The following ITGA11 variants were observed in gnomAD, a reference collection of about 807,000 sequenced individuals.
The protein encoded by ITGA11 is integrin alpha-11.
ITGA11 carries 97 observed loss-of-function variants against 141.9 expected under a neutral mutation model. The ratio of observed to expected loss-of-function variants is 0.68; its 90% CI spans 0.58 to 0.81. The LOEUF is 0.81. ITGA11 is among the 30% of genes least tolerant of loss of function. The pLI, the probability that ITGA11 is intolerant of heterozygous loss-of-function variation, is 0.00. For missense variants in ITGA11, 1,387 were observed against 1,559.2 expected, an observed-to-expected ratio of 0.89 and a Z score of 1.86; for synonymous variants, 658 against 624.6, an observed-to-expected ratio of 1.05 and a Z score of -0.80.
intron 2 of ITGA11, among the ~76,000 whole-genome samples, chr15:68,396,997 T>C (rs867564742): frequency 6.0e-5 from 1 of 16,804 alleles, no homozygotes; most frequent in Non-Finnish European, 8.5e-5. Context: ...TATTATATAA[T>C]ATATAATATA....
At chr15:68,371,142 G>T (rs939460754) in intron 2 of ITGA11, among the ~76,000 whole-genome samples, 2 of 152,210 alleles carry the variant, frequency 1.3e-5, no homozygotes, top group Non-Finnish European at 2.9e-5. Context: ...TCTAGACGAG[G>T]TGATTTTTGG....
rs535953226 is a variant in ITGA11 at position 68,308,027 on chromosome 15, C to T, written c.3175-331G>A. ...ACATTAAGATAAAAAATTCTATGAT[C>T]GCTGCAACAGATGCAGAAAAAGTAT... On this transcript the variant is annotated intron_variant, in intron 26 of 29. Transcript: ENST00000315757. This position sits in a 1 kb window ranked among gnomAD's most constrained non-coding sequence, Gnocchi z 5.2. Among the ~76,000 whole-genome samples the T allele has an allele frequency of 7.2e-5, 11 of 152,310 alleles. No homozygotes were observed. In the South Asian group the frequency reaches 2.1e-3, roughly 29 times the overall value.
At chr15:68,409,031 T>G (rs1017942105) in intron 1 of ITGA11, among the ~76,000 whole-genome samples, 1 of 152,224 alleles carries the variant, frequency 6.6e-6, no homozygotes, top group East Asian at 1.9e-4. Context: ...CACTGCCTGG[T>G]GCAGGAAAGG....
At chr15:68,351,199 G>C in intron 8 of ITGA11, 59 bp downstream of exon 8, 3 of 1,590,444 alleles carry the variant, frequency 1.9e-6, no homozygotes, top group Non-Finnish European at 2.6e-6. Flanking sequence ...AGTCCCCAGG[G>C]ATTTGATGGT....
chr15:68,407,654 A>C (rs1169935946), intron 1 of ITGA11, among the ~76,000 whole-genome samples: 1 of 152,172 alleles, frequency 6.6e-6, no homozygotes, highest in African/African-American at 2.4e-5. Context: ...GGGGAAAAAA[A>C]CCACAATTCC....
In ITGA11 at chr15:68,321,308, T is replaced by C. The variant is rs1893799189; in HGVS notation, c.2408+110A>G. The C allele has an allele frequency of 8.3e-6, 5 of 602,450 alleles. No individual in the cohort carries two copies. The allele number at this position is 602,450 out of a possible 1,614,324, so 37.3% of individuals were successfully genotyped here. A position where few individuals can be genotyped will look rare whatever the true frequency, so the allele number is the denominator to read the frequency against. On this transcript the variant is annotated intron_variant, in intron 19 of 29. Transcript: ENST00000315757. The surrounding 1 kb of genome is among the most constrained non-coding windows in gnomAD (Gnocchi z 4.9). ...GGCTCCAAGTGCAATGTTTGATCCATGCTGCCTGTGAGGAGGATGTCCAGG... is the reference window on the plus strand; with the variant it reads ...GGCTCCAAGTGCAATGTTTGATCCACGCTGCCTGTGAGGAGGATGTCCAGG...
At chr15:68,426,485 C>A (rs758557621) in intron 1 of ITGA11, among the ~76,000 whole-genome samples, 2 of 151,988 alleles carry the variant, frequency 1.3e-5, no homozygotes, top group South Asian at 4.2e-4. Flanking sequence ...GAGGGAGAGA[C>A]GTTCTCACAT....
intron 4 of ITGA11, among the ~76,000 whole-genome samples, chr15:68,363,125 G>T (rs764746306): frequency 6.6e-6 from 1 of 152,164 alleles, no homozygotes; most frequent in African/African-American, 2.4e-5. Context: ...ATGGTGGATC[G>T]ATGTATAGAC....
At chr15:68,365,956 C>T (rs1053784861) in intron 3 of ITGA11, among the ~76,000 whole-genome samples, 2 of 152,122 alleles carry the variant, frequency 1.3e-5, no homozygotes, top group African/African-American at 4.8e-5. Flanking sequence ...TCAGGAAGGC[C>T]AGCTGGTGCA....
intron 7 of ITGA11, among the ~76,000 whole-genome samples, chr15:68,353,979 C>T (rs1289460411): frequency 6.6e-6 from 1 of 152,062 alleles, no homozygotes; most frequent in Non-Finnish European, 1.5e-5. Flanking sequence ...TGAGCTGTTC[C>T]CTCCCAGCCA....
In ITGA11 at chr15:68,315,651, C is replaced by A; in HGVS notation, c.2792G>T (p.Ser931Ile). ...HHLEIELAAG[S>I]DSNERDSTKE... ...GAGAAGGAGCAGGCACGGCCCTGACCTGCCTGCAGCGAGCTCGATCTCCAG... is the reference window on the plus strand; with the variant it reads ...GAGAAGGAGCAGGCACGGCCCTGACATGCCTGCAGCGAGCTCGATCTCCAG... The change falls in exon 22 of 30, where the codon AGT becomes ATT. Residue 931 changes from serine to isoleucine, a missense_variant and splice_region_variant. By Grantham distance (142) the Ser-to-Ile change is moderately radical. Transcript: ENST00000315757. The A allele has an allele frequency of 6.2e-7, 1 of 1,612,350 alleles. No individual in the cohort carries two copies. Among genetic ancestry groups the A allele is most frequent in the South Asian group, 1.1e-5 (1 of 90,832 alleles).
intron 10 of ITGA11, among the ~76,000 whole-genome samples, chr15:68,348,347 A>G (rs1044279643): frequency 5.9e-5 from 9 of 152,314 alleles, no homozygotes; most frequent in Admixed American, 3.9e-4. Context: ...CCCAACATTG[A>G]CATGGGGCCT....
intron 10 of ITGA11, among the ~76,000 whole-genome samples, chr15:68,344,091 G>A (rs1369919614): frequency 6.6e-6 from 1 of 152,176 alleles, no homozygotes; most frequent in African/African-American, 2.4e-5. Context: ...ACAGCCTGAG[G>A]ATATGGGGCC....
intron 1 of ITGA11, among the ~76,000 whole-genome samples, chr15:68,425,928 C>G (rs1897132333): frequency 6.6e-6 from 1 of 152,188 alleles, no homozygotes. Context: ...AGCAACTTGC[C>G]TAATTCACCC....
chr15:68,361,464 G>T, intron 5 of ITGA11, 126 bp downstream of exon 5: 1 of 645,226 alleles, frequency 1.5e-6, no homozygotes, highest in Non-Finnish European at 2.8e-6. Flanking sequence ...GTCATCCGGA[G>T]AGCTGGGGCA....
At chr15:68,430,572 A>G (rs1020600149) in intron 1 of ITGA11, among the ~76,000 whole-genome samples, 1 of 152,132 alleles carries the variant, frequency 6.6e-6, no homozygotes, top group African/African-American at 2.4e-5. Flanking sequence ...CTGGAGTCAC[A>G]CAGGAGTGCG....
chr15:68,327,703 G>T (rs561171002), intron 16 of ITGA11, among the ~76,000 whole-genome samples: 1 of 152,088 alleles, frequency 6.6e-6, no homozygotes, highest in Non-Finnish European at 1.5e-5. Flanking sequence ...TGCTGCTGGG[G>T]TCTCATTGAC....
chr15:68,428,216 G>A (rs746871641), intron 1 of ITGA11, among the ~76,000 whole-genome samples: 14 of 152,208 alleles, frequency 9.2e-5, no homozygotes, highest in Admixed American at 2.0e-4. Flanking sequence ...AGCCAGCTCA[G>A]CTTAGAACAT....
chr15:68,378,678 C>A (rs1567150725), intron 2 of ITGA11, among the ~76,000 whole-genome samples: 1 of 152,106 alleles, frequency 6.6e-6, no homozygotes, highest in Non-Finnish European at 1.5e-5. Context: ...TATTGCATAT[C>A]TTTTATCAAT....
Sources: allele counts gnomAD v4.1 joint callset (sites outside exome capture counted in the v4.1 genomes callset), GRCh38; gene constraint gnomAD v4.1.1; non-coding constraint Gnocchi (gnomAD v3.1); transcripts MANE v1.5; gene names NCBI Gene and HGNC (gene_info 2026-07-23, HGNC 2026-07-21).